The following ACOXL variants were observed in gnomAD, a reference collection of about 807,000 sequenced individuals.
The protein encoded by ACOXL is acyl-CoA oxidase like, also known as acyl-coenzyme A oxidase-like protein.
Under a neutral mutation model 71.9 loss-of-function variants are expected in ACOXL, and 70 were observed. The observed-to-expected ratio is 0.97, with a 90% confidence interval of 0.80 to 1.19. ACOXL has a LOEUF of 1.19. Among genes scored for constraint, ACOXL ranks in the 50% most tolerant of loss-of-function variants. The pLI is 0.00. For synonymous variants in ACOXL, 253 were observed against 281.6 expected (o/e 0.90, Z 1.02); for missense variants, 703 against 736.3 (o/e 0.95, Z 0.52).
chr2:110,936,983 G>A (rs935062687), intron 12 of ACOXL, among the ~76,000 whole-genome samples: 4 of 152,104 alleles, frequency 2.6e-5, no homozygotes, highest in African/African-American at 9.7e-5. Context: ...GAGTAGCTGG[G>A]ATTAAGGCAT....
chr2:111,002,536 A>G (rs1324119931), intron 14 of ACOXL, among the ~76,000 whole-genome samples: 4 of 152,216 alleles, frequency 2.6e-5, no homozygotes, highest in African/African-American at 7.2e-5. Flanking sequence ...TGTCATAATG[A>G]ATATCCTTAA....
chr2:110,935,682 T>A (rs920215250), intron 12 of ACOXL, among the ~76,000 whole-genome samples: 15 of 152,132 alleles, frequency 9.9e-5, no homozygotes, highest in African/African-American at 3.6e-4. Flanking sequence ...AAAAGGCAAA[T>A]GCTGTGTCCT....
Position 110,995,997 on chromosome 2 carries a change from A to C in ACOXL, c.1274A>C (p.Tyr425Ser), listed in dbSNP as rs772792557. ...VLQRGLVARI[Y>S]YKVKTKKEDF... ...CAGCGGGGTTTGGTGGCCAGAATTT[A>C]TTATAAGGTAAAGATACACTGTGTT... Residue 425 changes from tyrosine (Y) to serine (S), a missense_variant, in exon 14 of 18, where the codon TAT (tyrosine) becomes TCT (serine). Physicochemically the swap from Tyr to Ser is moderately radical, Grantham distance 144. Coordinates refer to ENST00000439055, the MANE Select transcript of ACOXL (RefSeq NM_001142807.4). 1 of 1,589,632 alleles carries C rather than the reference A, an allele frequency of 6.3e-7. No homozygotes were observed. Among genetic ancestry groups the C allele is most frequent in the South Asian group, 1.1e-5 (1 of 90,990 alleles).
At chr2:111,001,768 A>G (rs1289090875) in intron 14 of ACOXL, among the ~76,000 whole-genome samples, 1 of 152,184 alleles carries the variant, frequency 6.6e-6, no homozygotes, top group East Asian at 1.9e-4. Flanking sequence ...ACACCTGAGG[A>G]GCCTTATTTG....
intron 10 of ACOXL, among the ~76,000 whole-genome samples, chr2:110,855,490 C>G (rs1693119156): frequency 6.6e-6 from 1 of 152,100 alleles, no homozygotes; most frequent in South Asian, 2.1e-4. Flanking sequence ...AGAAAATGCA[C>G]CAAACAAATC....
intron 12 of ACOXL, among the ~76,000 whole-genome samples, chr2:110,945,730 G>A (rs2061078678): frequency 6.6e-6 from 1 of 152,178 alleles, no homozygotes; most frequent in Non-Finnish European, 1.5e-5. Flanking sequence ...GTACCATGCT[G>A]CTTTGGTTAC....
At chr2:110,906,803 A>G (rs1574071676) in intron 10 of ACOXL, among the ~76,000 whole-genome samples, 1 of 151,828 alleles carries the variant, frequency 6.6e-6, no homozygotes, top group South Asian at 2.1e-4. Flanking sequence ...AGTGGCTGGG[A>G]CTCAGCCTTC....
intron 11 of ACOXL, among the ~76,000 whole-genome samples, chr2:110,914,596 A>G (rs1255734242): frequency 1.3e-5 from 2 of 152,342 alleles, no homozygotes; most frequent in Non-Finnish European, 1.5e-5. Flanking sequence ...TACCTGCACA[A>G]TAAATCAAAT....
chr2:111,084,785 A>G (rs2068116493), intron 16 of ACOXL, among the ~76,000 whole-genome samples: 1 of 152,158 alleles, frequency 6.6e-6, no homozygotes, highest in Admixed American at 6.5e-5. Context: ...CCAGCTTGAT[A>G]AAGAGCAAGA....
intron 12 of ACOXL, among the ~76,000 whole-genome samples, chr2:110,961,279 C>T (rs2061691682): frequency 6.6e-6 from 1 of 152,196 alleles, no homozygotes. Flanking sequence ...AAGAGGAGCT[C>T]ACAGCTGAGT....
At chr2:111,040,623 C>A (rs151326786) in intron 15 of ACOXL, among the ~76,000 whole-genome samples, 91 of 152,298 alleles carry the variant, frequency 6.0e-4, no homozygotes, top group Non-Finnish European at 1.0e-3. Flanking sequence ...GGAAGAGACA[C>A]AAGCTGGGCA....
intron 16 of ACOXL, among the ~76,000 whole-genome samples, chr2:111,074,157 T>C (rs2067482506): frequency 6.6e-6 from 1 of 150,638 alleles, no homozygotes; most frequent in African/African-American, 2.5e-5. Flanking sequence ...GGACATTTAC[T>C]GTGTGTTGTT....
At chr2:110,748,402 A>T (rs1678505474) in intron 1 of ACOXL, among the ~76,000 whole-genome samples, 1 of 151,984 alleles carries the variant, frequency 6.6e-6, no homozygotes, top group South Asian at 2.1e-4. Flanking sequence ...GGTGCAGGGG[A>T]TCTTTTCTTC....
chr2:110,970,495 G>A (rs2062136491), intron 12 of ACOXL, among the ~76,000 whole-genome samples: 1 of 124,854 alleles, frequency 8.0e-6, no homozygotes, highest in African/African-American at 2.6e-5. Flanking sequence ...TCCTCAAATT[G>A]AAAGAGTCTA....
intron 10 of ACOXL, among the ~76,000 whole-genome samples, chr2:110,860,122 T>C (rs186568023): frequency 1.3e-5 from 2 of 152,286 alleles, no homozygotes; most frequent in African/African-American, 4.8e-5. Flanking sequence ...CTTTTTGTTT[T>C]TGTTTTGAGG....
intron 10 of ACOXL, among the ~76,000 whole-genome samples, chr2:110,875,087 G>A (rs776396490): frequency 6.6e-6 from 1 of 152,176 alleles, no homozygotes; most frequent in Non-Finnish European, 1.5e-5. Context: ...GGCAGCCTCT[G>A]AGCCGGTCCC....
intron 12 of ACOXL, among the ~76,000 whole-genome samples, chr2:110,956,463 A>G (rs2061505064): frequency 6.6e-6 from 1 of 152,192 alleles, no homozygotes; most frequent in South Asian, 2.1e-4. Flanking sequence ...GCAACCTGCC[A>G]TCACTCCACT....
At chr2:111,106,023 C>A (rs1479640181) in intron 17 of ACOXL, among the ~76,000 whole-genome samples, 1 of 152,164 alleles carries the variant, frequency 6.6e-6, no homozygotes, top group African/African-American at 2.4e-5. Context: ...GGGGTGGGCT[C>A]AGCTTCGTGA....
In ACOXL at chr2:111,118,242, C is replaced by A; in HGVS notation, c.*426C>A. 1 of 201,152 alleles carries A rather than the reference C, an allele frequency of 5.0e-6. No homozygotes were observed. The highest frequency in any genetic ancestry group is 9.9e-6 in the Non-Finnish European group (1 of 100,530). The allele number at this position is 201,152 out of a possible 1,614,324, so 12.5% of individuals were successfully genotyped here. A position where few individuals can be genotyped will look rare whatever the true frequency, so the allele number is the denominator to read the frequency against. On this transcript the variant is annotated 3_prime_UTR_variant, in exon 18 of 18. Coordinates refer to ENST00000439055, the MANE Select transcript of ACOXL (RefSeq NM_001142807.4). ...TGAAAGAAAAAAAAAAAAGCAAACA[C>A]CCTTAGACAAAAGAAAAAAGCTCCA...
Sources: gnomAD v4.1 joint callset for allele counts (sites outside exome capture counted in the v4.1 genomes callset) on GRCh38, gnomAD v4.1.1 for gene constraint, MANE v1.5 for transcripts, NCBI Gene and HGNC (gene_info 2026-07-23, HGNC 2026-07-21) for gene names.